Variants in CPLX1 observed in about 807,000 individuals in gnomAD.
CPLX1 encodes the protein complexin 1.
Under a neutral mutation model 15.6 loss-of-function variants are expected in CPLX1, and 6 were observed. The observed-to-expected ratio is 0.39, with a 90% CI of 0.21 to 0.76. The LOEUF is 0.76. Among genes scored for constraint, CPLX1 ranks in the 30% least tolerant of loss-of-function variants. The pLI is 0.43. For missense variants in CPLX1, 242 were observed against 188.6 expected (o/e 1.28, Z -1.66); for synonymous variants, 91 against 75.2 (o/e 1.21, Z -1.08).
intron 2 of CPLX1, among the ~76,000 whole-genome samples, chr4:799,221 C>A (rs562063736): frequency 6.6e-6 from 1 of 152,334 alleles, no homozygotes; most frequent in Admixed American, 6.5e-5. Context: ...GAGGAAGGAA[C>A]GCTACAGAGA....
intron 2 of CPLX1, among the ~76,000 whole-genome samples, chr4:808,657 A>G (rs1320365140): frequency 2.0e-5 from 3 of 152,364 alleles, no homozygotes; most frequent in Non-Finnish European, 4.4e-5. Flanking sequence ...GAGTGAGAAG[A>G]CAGAAAGAAG....
At chr4:787,310 T>C (rs3088106) in intron 3 of CPLX1, 539,614 of 984,974 alleles carry the variant, frequency 0.55, 148,525 homozygotes, top group Middle Eastern at 0.62. Flanking sequence ...CCTCAGCCAG[T>C]ATGCCTGGGC....
chr4:787,733 G>C (rs3816676), intron 3 of CPLX1: 266,611 of 904,596 alleles, frequency 0.29, 38,216 homozygotes, highest in African/African-American at 0.53. Context: ...GTCAGGCCCC[G>C]GGGTTTTGGT....
At chr4:821,547 C>A in intron 2 of CPLX1, among the ~76,000 whole-genome samples, 1 of 152,196 alleles carries the variant, frequency 6.6e-6, no homozygotes, top group Non-Finnish European at 1.5e-5. Flanking sequence ...TCTGCAGTGA[C>A]CACGGCACCC....
chr4:819,345 T>G (rs1746817980), intron 2 of CPLX1, among the ~76,000 whole-genome samples: 1 of 152,220 alleles, frequency 6.6e-6, no homozygotes, highest in Non-Finnish European at 1.5e-5. Flanking sequence ...GGACTGCCCT[T>G]CACGGTTTCG....
chr4:796,102 A>G (rs575955186), intron 2 of CPLX1, among the ~76,000 whole-genome samples: 1 of 152,324 alleles, frequency 6.6e-6, no homozygotes, highest in South Asian at 2.1e-4. Flanking sequence ...GGGTTCCCTT[A>G]CACGGTAAGT....
At chr4:795,103 G>A (rs1746293424) in intron 2 of CPLX1, among the ~76,000 whole-genome samples, 1 of 152,214 alleles carries the variant, frequency 6.6e-6, no homozygotes, top group African/African-American at 2.4e-5. Context: ...GCGAACCTGG[G>A]GAGCGTCACA....
intron 3 of CPLX1, chr4:787,426 A>T (rs535423327): frequency 1.8e-4 from 176 of 963,284 alleles, no homozygotes; most frequent in Middle Eastern, 1.6e-3. Flanking sequence ...CTGGAGCTTC[A>T]AAGGTGATCT....
intron 2 of CPLX1, among the ~76,000 whole-genome samples, chr4:795,453 C>T (rs998215480): frequency 2.6e-5 from 4 of 152,226 alleles, no homozygotes; most frequent in Non-Finnish European, 4.4e-5. Flanking sequence ...CCAGAGGAGG[C>T]CGCTGCGGCG....
intron 3 of CPLX1, among the ~76,000 whole-genome samples, chr4:789,304 C>T (rs561074042): frequency 7.9e-5 from 12 of 152,210 alleles, no homozygotes; most frequent in African/African-American, 1.9e-4. Flanking sequence ...GGAAGTAACA[C>T]CTGAGGATGG....
chr4:806,854 T>C (rs943607197), intron 2 of CPLX1, among the ~76,000 whole-genome samples: 1 of 152,132 alleles, frequency 6.6e-6, no homozygotes, highest in Non-Finnish European at 1.5e-5. Context: ...TGCAGAGAAA[T>C]AGGAACACTT....
intron 2 of CPLX1, among the ~76,000 whole-genome samples, chr4:796,711 G>C (rs1746348532): frequency 6.6e-6 from 1 of 152,230 alleles, no homozygotes; most frequent in African/African-American, 2.4e-5. Context: ...TTTCTGGCCA[G>C]GGTAACTCCA....
chr4:790,922 CT>C (rs1746150347), intron 3 of CPLX1, among the ~76,000 whole-genome samples: 1 of 142,048 alleles, frequency 7.0e-6, no homozygotes, highest in Non-Finnish European at 1.5e-5. Context: ...TCCCCTCTCT[CT>C]TTCCCTCTTT....
chr4:787,131 C>T, intron 3 of CPLX1: 1 of 985,438 alleles, frequency 1.0e-6, no homozygotes, highest in Non-Finnish European at 1.2e-6. Flanking sequence ...GCCTGGTCCA[C>T]GACCTGCATT....
rs1745952082 is a variant in CPLX1, at chr4:785,451, G to A, written c.*1050C>T. ...TGTGGACGAAAGGGCCCGGGGGCGA[G>A]GCGGCGCCTGTCAAGATAAAACTCA... On this transcript the variant is annotated 3_prime_UTR_variant, in exon 4 of 4. Coordinates refer to ENST00000304062, the MANE Select transcript of CPLX1 (RefSeq NM_006651.4). 2 of 152,758 alleles carry A rather than the reference G, an allele frequency of 1.3e-5. No individual in the cohort carries two copies. The highest frequency in any genetic ancestry group is 2.4e-5 in the African/African-American group (1 of 41,580). 9.5% of individuals were successfully genotyped at this position (152,758 alleles called of 1,614,324 possible). A position where few individuals can be genotyped will look rare whatever the true frequency, so the allele number is the denominator to read the frequency against.
intron 2 of CPLX1, among the ~76,000 whole-genome samples, chr4:793,533 C>A (rs949780726): frequency 6.6e-6 from 1 of 152,208 alleles, no homozygotes; most frequent in South Asian, 2.1e-4. Context: ...CCCTGGCCCT[C>A]GGCAGCTCCA....
At chr4:787,851 CCTG>C (rs1176019735) in intron 3 of CPLX1, 20 of 985,300 alleles carry the variant, frequency 2.0e-5, no homozygotes, top group Non-Finnish European at 2.3e-5. Context: ...GGAACAGCCT[CCTG>C]CTGCCCAGGA....
intron 3 of CPLX1, chr4:787,728 G>GC (rs1229520590): frequency 3.0e-6 from 3 of 984,168 alleles, no homozygotes; most frequent in African/African-American, 3.5e-5. Flanking sequence ...TTTTTGTCAG[G>GC]CCCCGGGGTT....
intron 2 of CPLX1, among the ~76,000 whole-genome samples, chr4:800,869 T>A (rs1168528996): frequency 6.7e-6 from 1 of 149,964 alleles, no homozygotes; most frequent in Non-Finnish European, 1.5e-5. Context: ...ATATATATAT[T>A]AGCCAGACAT....
Sources: allele counts gnomAD v4.1 joint callset (sites outside exome capture counted in the v4.1 genomes callset), GRCh38; gene constraint gnomAD v4.1.1; transcripts MANE v1.5; gene names NCBI Gene and HGNC (gene_info 2026-07-23, HGNC 2026-07-21).